The following SLC12A7 variants were observed in gnomAD, a reference collection of about 807,000 sequenced individuals.
SLC12A7 encodes the protein solute carrier family 12 member 7.
SLC12A7 carries 100 observed loss-of-function variants against 120.6 expected under a neutral mutation model. The observed-to-expected ratio is 0.83, with a 90% CI of 0.71 to 0.98. The LOEUF (loss-of-function observed/expected upper bound fraction) is 0.98. Ranked by LOEUF, SLC12A7 falls within the 50% of genes least tolerant of loss-of-function variation. The pLI is 0.00. For missense variants in SLC12A7, 1,373 were observed against 1,548.1 expected (o/e 0.89, Z 1.90); for synonymous variants, 760 against 678.0 (o/e 1.12, Z -1.88).
intron 1 of SLC12A7, among the ~76,000 whole-genome samples, chr5:1,109,904 C>T (rs75473167): frequency 0.076 from 11,634 of 152,294 alleles, 1,081 homozygotes; most frequent in African/African-American, 0.2. Flanking sequence ...ACTCTGTGGC[C>T]GGACAGTTTT....
the SLC12A7 span, among the ~76,000 whole-genome samples, chr5:1,117,147 T>G: frequency 6.6e-6 from 1 of 151,008 alleles, no homozygotes; most frequent in African/African-American, 2.4e-5. This position sits in a 1 kb window ranked among gnomAD's most constrained non-coding sequence, Gnocchi z 4.5. Flanking sequence ...GGGGGGCTGG[T>G]GGGGAGCGTA....
chr5:1,145,571 A>G, the SLC12A7 span, among the ~76,000 whole-genome samples: 1 of 152,190 alleles, frequency 6.6e-6, no homozygotes, highest in Non-Finnish European at 1.5e-5. This position sits in a 1 kb window ranked among gnomAD's most constrained non-coding sequence, Gnocchi z 4.4. Context: ...AGGGCTCACA[A>G]AGGATGTTAT....
At chr5:1,113,015 G>A (rs978278077), upstream of SLC12A7, among the ~76,000 whole-genome samples, 3 of 152,080 alleles carry the variant, frequency 2.0e-5, no homozygotes, top group African/African-American at 7.2e-5. Flanking sequence ...GTGATGCAGG[G>A]AAGGTGGAGT....
the SLC12A7 span, among the ~76,000 whole-genome samples, chr5:1,137,018 G>A: frequency 2.7e-5 from 4 of 148,352 alleles, no homozygotes; most frequent in African/African-American, 1.0e-4. Context: ...CCAACAGCAG[G>A]ACACACACAC....
At chr5:1,067,448 G>T (rs569945858) in intron 17 of SLC12A7, among the ~76,000 whole-genome samples, 1 of 152,380 alleles carries the variant, frequency 6.6e-6, no homozygotes, top group East Asian at 1.9e-4. Context: ...CCTTTATGCG[G>T]CTGCTTCTCA....
In SLC12A7 at chr5:1,077,589, C is replaced by T. The variant is rs867292587; in HGVS notation, c.1629+244G>A. Among the ~76,000 whole-genome samples the T allele has an allele frequency of 1.2e-4, 18 of 152,298 alleles. No individual in the cohort carries two copies. In the South Asian group the frequency reaches 2.3e-3, roughly 19 times the overall value. ...ACACGTGGCTGTGGGCCCTCACAGC[C>T]GCTCCTGACACACCCGGGGCCGAGC... On this transcript the variant is annotated intron_variant, in intron 12 of 23. Coordinates refer to ENST00000264930, the MANE Select transcript of SLC12A7 (RefSeq NM_006598.3).
At position 1,075,374 on chromosome 5, in the gene SLC12A7, C is replaced by A. The variant is rs771075055; in HGVS notation, c.1964G>T (p.Arg655Leu). 6.2e-7 allele frequency: 1 copy of A among 1,610,636 alleles called. No homozygotes were observed. Among genetic ancestry groups the A allele is most frequent in the Non-Finnish European group, 8.5e-7 (1 of 1,178,250 alleles). ...AAGGGGGGCTGACAGCGCTTACCCG[C>A]GGTACTCGATGTACTTGTAGATGCA... ...AGCIYKYIEYRGAEKEWGDGI... is the reference protein window; with the variant it reads ...AGCIYKYIEYLGAEKEWGDGI... Residue 655 changes from arginine (R) to leucine (L), a missense_variant, in exon 15 of 24, where the codon CGC becomes CTC. Transcript: ENST00000264930.
chr5:1,078,689 G>A lies in SLC12A7; in HGVS notation c.1454+12C>T, dbSNP rs527703265. 1.9e-6 allele frequency: 3 copies of A among 1,610,042 alleles called. No individual in the cohort carries two copies. Among genetic ancestry groups the A allele is most frequent in the East Asian group, 2.2e-5 (1 of 44,856 alleles). Reference sequence around the variant, plus strand: ...TACAGGCTTTGCACGAAAACTGCAGGTGGAAACGTACTTATCTCGTAAGAC... The same window carrying A: ...TACAGGCTTTGCACGAAAACTGCAGATGGAAACGTACTTATCTCGTAAGAC... On this transcript the variant is annotated intron_variant, in intron 11 of 23. Coordinates refer to ENST00000264930, the MANE Select transcript of SLC12A7 (RefSeq NM_006598.3).
At chr5:1,148,313 T>C in the SLC12A7 span, among the ~76,000 whole-genome samples, 1 of 150,616 alleles carries the variant, frequency 6.6e-6, no homozygotes, top group Admixed American at 6.6e-5. Context: ...TTCACACCAT[T>C]CTCCTGCCTC....
At chr5:1,091,748 C>T (rs1190015543) in intron 3 of SLC12A7, among the ~76,000 whole-genome samples, 1 of 151,866 alleles carries the variant, frequency 6.6e-6, no homozygotes, top group Admixed American at 6.6e-5. Flanking sequence ...ACGGCAATAC[C>T]CAGTTCCGCA....
rs551245941 is a variant in SLC12A7 at position 1,081,190 on chromosome 5, G to A, written c.1297+387C>T. On this transcript the variant is annotated intron_variant, in intron 9 of 23. Coordinates refer to ENST00000264930, the MANE Select transcript of SLC12A7 (RefSeq NM_006598.3). ...AGGAAGAGAAAGAAGGAAGCCAGGC[G>A]TGGTGGCTCAAGACGTCTGTAATCC... 7.9e-5 allele frequency among the ~76,000 whole-genome samples: 12 copies of A among 152,292 alleles called. No homozygotes were observed. In the East Asian group the frequency reaches 1.2e-3, roughly 15 times the overall value.
At chr5:1,104,664 C>T (rs1742331180) in intron 1 of SLC12A7, among the ~76,000 whole-genome samples, 1 of 65,734 alleles carries the variant, frequency 1.5e-5, no homozygotes, top group South Asian at 3.5e-4. Context: ...CCCACAGAGC[C>T]GAGGCCCACC....
chr5:1,150,762 C>A, the SLC12A7 span, among the ~76,000 whole-genome samples: 1 of 152,254 alleles, frequency 6.6e-6, no homozygotes, highest in Non-Finnish European at 1.5e-5. Flanking sequence ...GACGGCCGAG[C>A]TCCATGAAAT....
At chr5:1,131,104 G>A in the SLC12A7 span, among the ~76,000 whole-genome samples, 343 of 152,274 alleles carry the variant, frequency 2.3e-3, 1 homozygote, top group Admixed American at 3.6e-3. Context: ...GCAAAACAGA[G>A]ACTCAGAGCT....
At chr5:1,126,432 C>T in the SLC12A7 span, among the ~76,000 whole-genome samples, 3 of 152,216 alleles carry the variant, frequency 2.0e-5, no homozygotes, top group African/African-American at 7.2e-5. Flanking sequence ...AGATGTTACT[C>T]ACTTTTTAAA....
intron 22 of SLC12A7, among the ~76,000 whole-genome samples, chr5:1,054,754 G>T (rs1284596337): frequency 2.6e-5 from 4 of 152,238 alleles, no homozygotes; most frequent in Admixed American, 6.5e-5. Flanking sequence ...TGACGCTTAA[G>T]CCACATAAAC....
chr5:1,102,411 T>C (rs151268354), intron 1 of SLC12A7, among the ~76,000 whole-genome samples: 7 of 152,298 alleles, frequency 4.6e-5, no homozygotes, highest in Non-Finnish European at 1.0e-4. Context: ...TCTCAGTGGC[T>C]CATCCCTCCC....
At chr5:1,116,276 G>A (rs140059261), upstream of SLC12A7, among the ~76,000 whole-genome samples, 46 of 152,298 alleles carry the variant, frequency 3.0e-4, no homozygotes, top group Admixed American at 1.0e-3. Context: ...GCTGCCCCCC[G>A]CCCCGATCCC....
intron 22 of SLC12A7, among the ~76,000 whole-genome samples, chr5:1,054,986 G>C (rs1182530954): frequency 6.6e-6 from 1 of 152,234 alleles, no homozygotes; most frequent in Non-Finnish European, 1.5e-5. Context: ...CAGGAGCACA[G>C]GGGGGTCGGA....
Sources: allele counts gnomAD v4.1 joint callset (sites outside exome capture counted in the v4.1 genomes callset), GRCh38; gene constraint gnomAD v4.1.1; non-coding constraint Gnocchi (gnomAD v3.1); transcripts MANE v1.5; gene names NCBI Gene and HGNC (gene_info 2026-07-23, HGNC 2026-07-21).